The following RBM44 variants were observed in gnomAD, a reference collection of about 807,000 sequenced individuals.
The protein encoded by RBM44 is RNA binding motif protein 44.
A neutral mutation model predicts 105.1 loss-of-function variants in RBM44; 66 were observed. That is an observed-to-expected ratio of 0.63 (90% CI 0.52 to 0.77). The LOEUF is 0.77. Ranked by LOEUF, RBM44 falls within the 30% of genes least tolerant of loss-of-function variation. RBM44 has a pLI of 0.00. For missense variants in RBM44, 1,122 were observed against 1,207.8 expected (o/e 0.93, Z 1.05); for synonymous variants, 365 against 417.6 (o/e 0.87, Z 1.54).
chr2:237,832,901 G>C (rs2061917299), intron 13 of RBM44, among the ~76,000 whole-genome samples: 1 of 152,108 alleles, frequency 6.6e-6, no homozygotes, highest in Non-Finnish European at 1.5e-5. Flanking sequence ...ATGGAGATGA[G>C]AGCCATTACC....
At chr2:237,810,892 C>T (rs1420592179) in intron 1 of RBM44, among the ~76,000 whole-genome samples, 1 of 152,120 alleles carries the variant, frequency 6.6e-6, no homozygotes, top group African/African-American at 2.4e-5. Context: ...TGCATTGGCC[C>T]AGTTGAAGGG....
At chr2:237,802,494 G>A (rs779217573) in intron 1 of RBM44, among the ~76,000 whole-genome samples, 6 of 152,172 alleles carry the variant, frequency 3.9e-5, no homozygotes, top group Non-Finnish European at 5.9e-5. Context: ...CCGGTGTCTG[G>A]TACCAAAAAG....
chr2:237,832,156 C>CT lies in RBM44; in HGVS notation c.2887-1825dup, dbSNP rs1298405099. On this transcript the variant is annotated intron_variant, in intron 13 of 15. Coordinates refer to ENST00000316997, the MANE Select transcript of RBM44 (RefSeq NM_001080504.3). ...ATTTGCTTCATGTTCTAATTTCAGT[C>CT]TTTTTTTTTTTTTTTTGAGACAGGA... 5.9e-3 allele frequency among the ~76,000 whole-genome samples: 826 copies of CT among 140,198 alleles called. 7 individuals carry two copies. The highest frequency in any genetic ancestry group is 0.015 in the African/African-American group (591 of 38,494). The allele number at this position is 140,198 out of a possible 152,430, so 92.0% of individuals were successfully genotyped here. A position where few individuals can be genotyped will look rare whatever the true frequency, so the allele number is the denominator to read the frequency against.
At chr2:237,813,060 C>T (rs1379657643) in intron 1 of RBM44, among the ~76,000 whole-genome samples, 2 of 152,094 alleles carry the variant, frequency 1.3e-5, no homozygotes, top group Admixed American at 6.5e-5. Context: ...ACAACCATCC[C>T]ATCATAAACC....
Position 237,819,691 on chromosome 2 carries a change from G to A in RBM44, c.1737-484G>A, listed in dbSNP as rs142540542. Among the ~76,000 whole-genome samples, 775 of 151,914 alleles carry A rather than the reference G, an allele frequency of 5.1e-3. 7 individuals are homozygous for A. Among genetic ancestry groups the A allele is most frequent in the African/African-American group, 0.018 (731 of 41,482 alleles). On this transcript the variant is annotated intron_variant, in intron 4 of 15. Coordinates refer to ENST00000316997, the MANE Select transcript of RBM44 (RefSeq NM_001080504.3). ...GATATAATAGTACAGCAAAATATTTGCTTATATTAATGATCCTTAACTATT... is the reference window on the plus strand; with the variant it reads ...GATATAATAGTACAGCAAAATATTTACTTATATTAATGATCCTTAACTATT...
intron 2 of RBM44, among the ~76,000 whole-genome samples, chr2:237,816,171 T>C (rs969054944): frequency 6.6e-6 from 1 of 152,202 alleles, no homozygotes; most frequent in African/African-American, 2.4e-5. Flanking sequence ...ACTTTTTAAA[T>C]ACAAAGTTTT....
chr2:237,800,727 CT>C (rs200312897), intron 1 of RBM44, among the ~76,000 whole-genome samples: 172 of 137,264 alleles, frequency 1.3e-3, no homozygotes, highest in African/African-American at 1.3e-3. Flanking sequence ...ACTCTCAATC[CT>C]TTTTTTTTTT....
At chr2:237,801,882 CT>C (rs1326478710) in intron 1 of RBM44, among the ~76,000 whole-genome samples, 23 of 152,002 alleles carry the variant, frequency 1.5e-4, no homozygotes, top group Admixed American at 1.5e-3. Context: ...CCCCAATTGT[CT>C]TATTTAACTT....
At chr2:237,810,762 A>G (rs1055362452) in intron 1 of RBM44, among the ~76,000 whole-genome samples, 2 of 152,150 alleles carry the variant, frequency 1.3e-5, no homozygotes, top group Admixed American at 6.5e-5. Context: ...GGAAAAAGGA[A>G]GTAACAGGTT....
intron 1 of RBM44, among the ~76,000 whole-genome samples, chr2:237,801,735 C>T (rs1179070332): frequency 6.6e-6 from 1 of 152,182 alleles, no homozygotes; most frequent in Non-Finnish European, 1.5e-5. Context: ...AATTGGGATG[C>T]TCTATGCCCT....
intron 1 of RBM44, among the ~76,000 whole-genome samples, chr2:237,801,515 A>G (rs772192194): frequency 2.6e-5 from 4 of 152,070 alleles, no homozygotes; most frequent in Non-Finnish European, 4.4e-5. Flanking sequence ...TGTTAGAAAC[A>G]GGGGTTTCAC....
intron 10 of RBM44, among the ~76,000 whole-genome samples, chr2:237,826,171 A>G (rs1306610280): frequency 6.6e-6 from 1 of 152,086 alleles, no homozygotes; most frequent in Non-Finnish European, 1.5e-5. Context: ...TATTTAATGA[A>G]AAAAATAAAA....
Position 237,823,506 on chromosome 2 carries a change from A to G in RBM44, c.2272A>G (p.Asn758Asp). 6.5e-7 allele frequency: 1 copy of G among 1,543,088 alleles called. No homozygotes were observed. The highest frequency in any genetic ancestry group is 1.2e-5 in the South Asian group (1 of 83,962). ...ATCACCCAAGAAAGATGACTTTAAAAATGGTGATATAAATGCAGACTTTAG... is the reference window on the plus strand; with the variant it reads ...ATCACCCAAGAAAGATGACTTTAAAGATGGTGATATAAATGCAGACTTTAG... ...NISPKKDDFKNGDINADFSQL... is the reference protein window; with the variant it reads ...NISPKKDDFKDGDINADFSQL... The change falls in exon 9 of 16, where the codon AAT becomes GAT. Residue 758 changes from asparagine to aspartate, a missense_variant. Asn to Asp is a conservative substitution (Grantham distance 23). Around this residue, in one of 3 missense-constraint regions of RBM44, gnomAD observed 918 missense variants for 955.3 expected, o/e 0.96. Transcript: ENST00000316997.
chr2:237,810,171 A>G (rs2150971250), intron 1 of RBM44, among the ~76,000 whole-genome samples: 1 of 152,340 alleles, frequency 6.6e-6, no homozygotes, highest in South Asian at 2.1e-4. Flanking sequence ...TTTTACACCT[A>G]CAGAACATCT....
In RBM44 at chr2:237,817,569, T is replaced by C; in HGVS notation, c.650T>C (p.Val217Ala). 6.2e-7 allele frequency: 1 copy of C among 1,612,514 alleles called. No individual in the cohort carries two copies. The change falls in exon 3 of 16, where the codon GTT (valine) becomes GCT (alanine). Residue 217 changes from valine to alanine, a missense_variant. Around this residue, in one of 3 missense-constraint regions of RBM44, gnomAD observed 918 missense variants for 955.3 expected, o/e 0.96. Transcript: ENST00000316997. ...KALDISNPEV[V>A]ELGNSGYEVK... Reference sequence around the variant, plus strand: ...TTAGATATATCTAATCCAGAAGTTGTTGAATTAGGAAATTCGGGTTATGAA... The same window carrying C: ...TTAGATATATCTAATCCAGAAGTTGCTGAATTAGGAAATTCGGGTTATGAA...
chr2:237,820,549 C>G, intron 5 of RBM44, 198 bp downstream of exon 5: 4 of 399,266 alleles, frequency 1.0e-5, no homozygotes, highest in Non-Finnish European at 1.8e-5. Context: ...CATGATGAAT[C>G]CAGTGAAAAC....
At chr2:237,802,051 A>T (rs1384954279) in intron 1 of RBM44, among the ~76,000 whole-genome samples, 3 of 152,196 alleles carry the variant, frequency 2.0e-5, no homozygotes, top group Non-Finnish European at 2.9e-5. Flanking sequence ...ATTTTTGAGC[A>T]TGTTACATTT....
intron 13 of RBM44, among the ~76,000 whole-genome samples, chr2:237,831,430 A>T (rs1191737451): frequency 2.0e-5 from 3 of 151,898 alleles, no homozygotes; most frequent in Non-Finnish European, 4.4e-5. Flanking sequence ...ATAGGAAGCT[A>T]CTACCTTGCC....
chr2:237,829,282 T>C lies in RBM44; in HGVS notation c.2666T>C (p.Ile889Thr), dbSNP rs1390977040. 2 of 1,613,246 alleles carry C rather than the reference T, an allele frequency of 1.2e-6. No individual in the cohort carries two copies. Among genetic ancestry groups the C allele is most frequent in the Non-Finnish European group, 8.5e-7 (1 of 1,179,410 alleles). Residue 889 changes from isoleucine to threonine, a missense_variant, in exon 13 of 16, where the codon ATA (isoleucine) becomes ACA (threonine). By Grantham distance (89) the Ile-to-Thr change is moderately conservative (BLOSUM62 -1). Coordinates refer to ENST00000316997, the MANE Select transcript of RBM44 (RefSeq NM_001080504.3). ...ATAGCTGTGAAAGAAATGAATGGGA[T>C]AGAAATAAATGGAAAGTCAGTAAAT... ...AKIAVKEMNG[I>T]EINGKSVNVW...
Sources: gnomAD v4.1 joint callset for allele counts (sites outside exome capture counted in the v4.1 genomes callset) on GRCh38, gnomAD v4.1.1 for gene constraint, gnomAD v4.1.1 regional missense constraint, MANE v1.5 for transcripts, NCBI Gene and HGNC (gene_info 2026-07-23, HGNC 2026-07-21) for gene names.